Variants in SV2C observed in about 807,000 individuals in gnomAD.
The protein encoded by SV2C is synaptic vesicle glycoprotein 2C, also known as solute carrier family 22 member B3.
In SV2C, 49 loss-of-function variants were observed where a neutral mutation model predicts 79.7. The ratio of observed to expected loss-of-function variants is 0.61; its 90% CI spans 0.49 to 0.78. The LOEUF (loss-of-function observed/expected upper bound fraction) is 0.78. Among genes scored for constraint, SV2C ranks in the 30% least tolerant of loss-of-function variants. The pLI is 0.00. For synonymous variants in SV2C, 334 were observed against 333.2 expected (o/e 1.00, Z -0.03); for missense variants, 833 against 912.9 (o/e 0.91, Z 1.13).
intron 4 of SV2C, among the ~76,000 whole-genome samples, chr5:76,272,237 C>T (rs573760023): frequency 1.0e-3 from 156 of 152,228 alleles, no homozygotes; most frequent in African/African-American, 3.3e-3. Flanking sequence ...TATTATAGCC[C>T]GCTCTGTAAT....
intron 4 of SV2C, among the ~76,000 whole-genome samples, chr5:76,283,969 T>C (rs929423911): frequency 3.3e-5 from 5 of 152,338 alleles, no homozygotes; most frequent in African/African-American, 1.2e-4. Context: ...CTCCTGGAGA[T>C]AGGATGTATA....
At chr5:76,108,814 G>A (rs191026755) in intron 1 of SV2C, among the ~76,000 whole-genome samples, 1 of 152,216 alleles carries the variant, frequency 6.6e-6, no homozygotes, top group East Asian at 1.9e-4. Flanking sequence ...ATTAACTGTG[G>A]TGAAAAAAAT....
chr5:75,896,295 T>C, the SV2C span, among the ~76,000 whole-genome samples: 2 of 148,726 alleles, frequency 1.3e-5, no homozygotes, highest in Admixed American at 1.4e-4. Flanking sequence ...TTCCCACCTA[T>C]GAGTGAGAAC....
At chr5:76,303,951 A>G (rs778184077) in intron 12 of SV2C, among the ~76,000 whole-genome samples, 21 of 152,224 alleles carry the variant, frequency 1.4e-4, no homozygotes, top group Admixed American at 6.5e-5. Context: ...CAGACTATCC[A>G]GTAATCTAAG....
intron 2 of SV2C, among the ~76,000 whole-genome samples, chr5:76,183,748 C>A (rs575034203): frequency 6.6e-6 from 1 of 152,242 alleles, no homozygotes; most frequent in African/African-American, 2.4e-5. Context: ...GTGCTATGCT[C>A]TGACACACTT....
intron 3 of SV2C, among the ~76,000 whole-genome samples, chr5:76,198,910 C>G (rs909457373): frequency 4.6e-5 from 7 of 152,184 alleles, no homozygotes; most frequent in African/African-American, 1.7e-4. Flanking sequence ...AAGTTGCTTA[C>G]AGTCTGTACA....
chr5:76,230,803 G>A (rs534037621), intron 4 of SV2C, among the ~76,000 whole-genome samples: 1 of 122,218 alleles, frequency 8.2e-6, no homozygotes, highest in African/African-American at 6.3e-5. Context: ...GAAAAAAAAA[G>A]AAAAGAAAAG....
chr5:76,116,788 G>A (rs551089781), intron 1 of SV2C, among the ~76,000 whole-genome samples: 1 of 152,300 alleles, frequency 6.6e-6, no homozygotes, highest in African/African-American at 2.4e-5. Context: ...TCATAATGCA[G>A]GTTGTTTTGA....
At chr5:75,967,457 C>A in the SV2C span, among the ~76,000 whole-genome samples, 1 of 152,150 alleles carries the variant, frequency 6.6e-6, no homozygotes, top group East Asian at 1.9e-4. Context: ...CCTGGAAAAT[C>A]GGGTCACTCT....
intron 4 of SV2C, among the ~76,000 whole-genome samples, chr5:76,234,206 C>T (rs1443696265): frequency 6.6e-6 from 1 of 152,160 alleles, no homozygotes; most frequent in African/African-American, 2.4e-5. Context: ...ACACCTATGA[C>T]ATGTTCCTAG....
At chr5:76,207,088 T>C (rs569934284) in intron 3 of SV2C, among the ~76,000 whole-genome samples, 53 of 152,154 alleles carry the variant, frequency 3.5e-4, no homozygotes, top group Non-Finnish European at 1.0e-4. Context: ...CAAGTTGGTG[T>C]TTTCTTATGT....
At chr5:76,234,948 C>T (rs1030714678) in intron 4 of SV2C, among the ~76,000 whole-genome samples, 16 of 152,156 alleles carry the variant, frequency 1.1e-4, no homozygotes, top group African/African-American at 2.4e-4. Context: ...TTATTTACTG[C>T]GTTTGCTAAG....
rs535555057 is a variant in SV2C, at chr5:76,281,075, G to A, written c.914-4087G>A. The A allele has an allele frequency of 1.1e-4, 57 of 541,836 alleles. 1 individual carries two copies. Among genetic ancestry groups the A allele is most frequent in the Non-Finnish European group, 1.7e-4 (46 of 265,246 alleles). The allele number at this position is 541,836 out of a possible 1,614,324, so 33.6% of individuals were successfully genotyped here. On this transcript the variant is annotated intron_variant, in intron 4 of 12. Coordinates refer to ENST00000502798, the MANE Select transcript of SV2C (RefSeq NM_014979.4). ...CTGGCCAGGTTAAGTAACTTAGCAC[G>A]TGTAAAGACTAAAAAAACTAAAGCA...
At chr5:75,954,759 CAGAG>C in the SV2C span, among the ~76,000 whole-genome samples, 46 of 149,402 alleles carry the variant, frequency 3.1e-4, no homozygotes, top group Admixed American at 7.9e-4. Context: ...AACCGACAAA[CAGAG>C]AGCCAAATCA....
chr5:75,856,955 CTTTTTTTTT>C, the SV2C span, among the ~76,000 whole-genome samples: 1 of 128,522 alleles, frequency 7.8e-6, no homozygotes, highest in African/African-American at 3.1e-5. Flanking sequence ...GTCTTTAATC[CTTTTTTTTT>C]TTTTTTTTTT....
intron 4 of SV2C, chr5:76,281,399 A>T: frequency 2.5e-5 from 4 of 161,234 alleles, no homozygotes; most frequent in South Asian, 1.3e-4. Context: ...ATGCAAAGTA[A>T]AAAAAAAAAA....
At chr5:76,336,121 C>T (rs1358412838), downstream of SV2C, among the ~76,000 whole-genome samples, 2 of 142,660 alleles carry the variant, frequency 1.4e-5, no homozygotes, top group African/African-American at 5.1e-5. Flanking sequence ...CACCTCCCTC[C>T]CGGACGGGGC....
At chr5:75,872,794 G>C in the SV2C span, among the ~76,000 whole-genome samples, 2 of 151,940 alleles carry the variant, frequency 1.3e-5, no homozygotes, top group Non-Finnish European at 2.9e-5. Flanking sequence ...AGCATTAGGA[G>C]ATATACCTAA....
chr5:76,089,407 T>G (rs954093598), intron 1 of SV2C, among the ~76,000 whole-genome samples: 2 of 152,234 alleles, frequency 1.3e-5, no homozygotes, highest in African/African-American at 4.8e-5. Context: ...ATGTACCACA[T>G]TTTCTATATC....
Sources: gnomAD v4.1 joint callset for allele counts (sites outside exome capture counted in the v4.1 genomes callset) on GRCh38, gnomAD v4.1.1 for gene constraint, MANE v1.5 for transcripts, NCBI Gene and HGNC (gene_info 2026-07-23, HGNC 2026-07-21) for gene names.